The following SLC16A1 variants were observed in gnomAD, a reference collection of about 807,000 sequenced individuals.
SLC16A1 encodes monocarboxylate transporter 1.
In SLC16A1, 11 loss-of-function variants were observed where a neutral mutation model predicts 32.2. The ratio of observed to expected loss-of-function variants is 0.34; its 90% CI spans 0.21 to 0.56. The LOEUF (loss-of-function observed/expected upper bound fraction) is 0.56. Among genes scored for constraint, SLC16A1 ranks in the 20% least tolerant of loss-of-function variants. The probability of loss-of-function intolerance (pLI) is 0.87; values close to 1 mark genes in which losing one functional copy is unlikely to be tolerated. For missense variants in SLC16A1, 435 were observed against 615.0 expected (o/e 0.71, Z 3.10); for synonymous variants, 231 against 226.8 (o/e 1.02, Z -0.17).
intron 1 of SLC16A1, among the ~76,000 whole-genome samples, chr1:112,943,369 G>A (rs1649577532): frequency 6.6e-6 from 1 of 151,932 alleles, no homozygotes; most frequent in African/African-American, 2.4e-5. Flanking sequence ...AAGGAAGAAT[G>A]GGGTATACTT....
chr1:112,924,874 AAAAC>A (rs939748996), intron 2 of SLC16A1, among the ~76,000 whole-genome samples: 13 of 152,268 alleles, frequency 8.5e-5, no homozygotes, highest in African/African-American at 3.1e-4. Flanking sequence ...TCTGTCTCAA[AAAAC>A]AAACAAACAA....
At chr1:112,928,019 G>A (rs905300509) in intron 2 of SLC16A1, among the ~76,000 whole-genome samples, 10 of 152,082 alleles carry the variant, frequency 6.6e-5, no homozygotes, top group African/African-American at 2.4e-4. Context: ...AATGCCCAAA[G>A]TCCATTTTGA....
chr1:112,931,356 T>TA (rs1422473441), intron 1 of SLC16A1, among the ~76,000 whole-genome samples: 1 of 151,918 alleles, frequency 6.6e-6, no homozygotes, highest in African/African-American at 2.4e-5. Context: ...CAAAAGATGG[T>TA]AGTTTTAGGC....
At chr1:112,949,334 C>T in intron 1 of SLC16A1, among the ~76,000 whole-genome samples, 1 of 152,232 alleles carries the variant, frequency 6.6e-6, no homozygotes, top group African/African-American at 2.4e-5. Flanking sequence ...CAGGCGTGAG[C>T]CACTGTGCCC....
chr1:112,920,533 G>C (rs940491533), intron 3 of SLC16A1, among the ~76,000 whole-genome samples: 1 of 152,162 alleles, frequency 6.6e-6, no homozygotes, highest in Non-Finnish European at 1.5e-5. Context: ...TTGAACCCAG[G>C]AGGCGGAGAT....
At chr1:112,952,575 G>C (rs1649933035) in intron 1 of SLC16A1, among the ~76,000 whole-genome samples, 1 of 152,144 alleles carries the variant, frequency 6.6e-6, no homozygotes, top group African/African-American at 2.4e-5. Flanking sequence ...TTTCTCGAGA[G>C]TTATCTTTCA....
At chr1:112,929,522 G>A (rs558654996) in intron 1 of SLC16A1, among the ~76,000 whole-genome samples, 170 bp from the exon 2 acceptor site, 9 of 151,970 alleles carry the variant, frequency 5.9e-5, no homozygotes, top group South Asian at 2.1e-4. Flanking sequence ...AAGACAGCCC[G>A]GGCAACACAG....
chr1:112,948,758 C>G (rs958786463), intron 1 of SLC16A1, among the ~76,000 whole-genome samples: 10 of 152,134 alleles, frequency 6.6e-5, no homozygotes, highest in African/African-American at 2.2e-4. Context: ...CTGCCTGGGC[C>G]TCCCAAAGTG....
At position 112,917,194 on chromosome 1, in the gene SLC16A1, C is replaced by T; in HGVS notation, c.1212G>A (p.Leu404=). Residue 404 remains leucine, a synonymous_variant, in exon 4 of 5, where the codon CTG becomes CTA. Coordinates refer to ENST00000369626, the MANE Select transcript of SLC16A1 (RefSeq NM_003051.4). This position sits in a 1 kb window ranked among gnomAD's most constrained non-coding sequence, Gnocchi z 4.1. ...VTIVECCPVL[L]GPPLLGRLND... ...ATACTATACCTAAAAGTGGTGGCCC[C>T]AGGAGGACAGGACAGCATTCCACAA... is the stretch of plus-strand genomic sequence containing the variant. 6.2e-7 allele frequency: 1 copy of T among 1,614,168 alleles called. No individual in the cohort carries two copies. Among genetic ancestry groups the T allele is most frequent in the Non-Finnish European group, 8.5e-7 (1 of 1,180,032 alleles).
chr1:112,921,530 A>C (rs1236276090), intron 3 of SLC16A1, among the ~76,000 whole-genome samples: 2 of 152,228 alleles, frequency 1.3e-5, no homozygotes, highest in Non-Finnish European at 2.9e-5. Context: ...AGAAATGTTA[A>C]TGATATTCTT....
rs146438712 is a variant in SLC16A1, at chr1:112,943,098, G to T, written c.-45+12937C>A. Among the ~76,000 whole-genome samples, 361 of 152,254 alleles carry T rather than the reference G, an allele frequency of 2.4e-3. 2 individuals are homozygous for T. The highest frequency in any genetic ancestry group is 8.2e-3 in the African/African-American group (339 of 41,554). Reference sequence around the variant, plus strand: ...ATCATTTGTTCAACCAAATAAGCATGATTTTATTTAGGGAGAATGAGGCTA... The same window carrying T: ...ATCATTTGTTCAACCAAATAAGCATTATTTTATTTAGGGAGAATGAGGCTA... On this transcript the variant is annotated intron_variant, in intron 1 of 4. Coordinates refer to ENST00000369626, the MANE Select transcript of SLC16A1 (RefSeq NM_003051.4).
intron 2 of SLC16A1, among the ~76,000 whole-genome samples, chr1:112,928,615 G>C (rs569013405): frequency 6.6e-6 from 1 of 152,118 alleles, no homozygotes; most frequent in Admixed American, 6.6e-5. Context: ...TCATAACATC[G>C]CAAGTAATAC....
At chr1:112,940,536 C>A (rs905387415) in intron 1 of SLC16A1, among the ~76,000 whole-genome samples, 9 of 151,964 alleles carry the variant, frequency 5.9e-5, no homozygotes, top group Non-Finnish European at 1.3e-4. Flanking sequence ...TTGGTGCATT[C>A]AACTGAATCA....
chr1:112,936,960 A>G (rs1267915123), intron 1 of SLC16A1, among the ~76,000 whole-genome samples: 1 of 152,244 alleles, frequency 6.6e-6, no homozygotes, highest in African/African-American at 2.4e-5. Flanking sequence ...ACTGGAATGA[A>G]TATGATTAAA....
At chr1:112,943,674 G>C (rs1199463523) in intron 1 of SLC16A1, among the ~76,000 whole-genome samples, 1 of 151,354 alleles carries the variant, frequency 6.6e-6, no homozygotes, top group Non-Finnish European at 1.5e-5. Context: ...TGTAATCCCA[G>C]CTTCTCAGGA....
At chr1:112,931,838 G>T (rs773925806) in intron 1 of SLC16A1, among the ~76,000 whole-genome samples, 14 of 151,788 alleles carry the variant, frequency 9.2e-5, no homozygotes, top group Admixed American at 3.3e-4. Flanking sequence ...TCTCATGAAG[G>T]TCTCCTTTAC....
intron 4 of SLC16A1, among the ~76,000 whole-genome samples, chr1:112,915,891 T>C (rs993236305): frequency 6.6e-6 from 1 of 152,220 alleles, no homozygotes; most frequent in African/African-American, 2.4e-5. Flanking sequence ...AATTATTTTT[T>C]CACTATGTGT....
intron 1 of SLC16A1, among the ~76,000 whole-genome samples, chr1:112,942,456 G>T (rs1649541510): frequency 6.6e-6 from 1 of 152,194 alleles, no homozygotes; most frequent in Non-Finnish European, 1.5e-5. Flanking sequence ...CAGAGAATGG[G>T]ATTTAACTAC....
intron 1 of SLC16A1, among the ~76,000 whole-genome samples, chr1:112,938,865 T>C (rs1048329074): frequency 6.6e-6 from 1 of 151,896 alleles, no homozygotes; most frequent in African/African-American, 2.4e-5. Flanking sequence ...TACCAATAAA[T>C]AGAAAGCATT....
Sources: gnomAD v4.1 joint callset for allele counts (sites outside exome capture counted in the v4.1 genomes callset) on GRCh38, gnomAD v4.1.1 for gene constraint, Gnocchi (gnomAD v3.1) non-coding constraint, MANE v1.5 for transcripts, NCBI Gene and HGNC (gene_info 2026-07-23, HGNC 2026-07-21) for gene names.